VASH2: variants seen among roughly 807,000 people sequenced by gnomAD.
VASH2 encodes the protein tubulinyl-Tyr carboxypeptidase 2.
VASH2 carries 28 observed loss-of-function variants against 37.2 expected under a neutral mutation model. That is an observed-to-expected ratio of 0.75 (90% confidence interval 0.56 to 1.03). The LOEUF (loss-of-function observed/expected upper bound fraction) is 1.03, where lower values mean the gene tolerates loss of function less well. Ranked by LOEUF, VASH2 falls within the 50% of genes least tolerant of loss-of-function variation. The pLI is 0.00. For missense variants in VASH2, 419 were observed against 459.1 expected, an observed-to-expected ratio of 0.91 and a Z score of 0.80; for synonymous variants, 188 against 174.7, an observed-to-expected ratio of 1.08 and a Z score of -0.60.
intron 5 of VASH2, chr1:212,969,128 C>T (rs1250808830): frequency 1.1e-5 from 11 of 985,082 alleles, no homozygotes; most frequent in Non-Finnish European, 1.1e-5. Context: ...CTTCAGTTCA[C>T]GCTGCTGAAC....
At chr1:212,965,427 G>T (rs537809969) in intron 3 of VASH2, among the ~76,000 whole-genome samples, 1 of 152,286 alleles carries the variant, frequency 6.6e-6, no homozygotes, top group African/African-American at 2.4e-5. Context: ...CTCTCAAAGA[G>T]CTTGTAGTCT....
intron 7 of VASH2, among the ~76,000 whole-genome samples, chr1:212,977,606 G>A (rs577420682): frequency 6.6e-6 from 1 of 152,070 alleles, no homozygotes. Context: ...TACATGAGGA[G>A]GTAGAAGTTG....
rs930397646 is a variant in VASH2 at position 212,951,477 on chromosome 1, C to CCCG, written c.-52_-50dup. The stretch of plus-strand genomic sequence containing the variant: ...TCGCCGCGCCCGCGCGCACACGCCC[C>CCCG]CCGCCGCCGCCGCCGCTGCCGCCGC... On this transcript the variant is annotated 5_prime_UTR_variant, in exon 2 of 8. Transcript: ENST00000517399. The surrounding 1 kb of genome is among the most constrained non-coding windows in gnomAD (Gnocchi z 4.4). 2.8e-5 allele frequency: 30 copies of CCCG among 1,067,970 alleles called. No homozygotes were observed. The highest frequency in any genetic ancestry group is 2.4e-4 in the East Asian group (5 of 20,736). The allele number at this position is 1,067,970 out of a possible 1,614,324, so 66.2% of individuals were successfully genotyped here. A position where few individuals can be genotyped will look rare whatever the true frequency, so the allele number is the denominator to read the frequency against.
At chr1:212,987,053 G>A (rs1558154463) in intron 7 of VASH2, among the ~76,000 whole-genome samples, 1 of 150,230 alleles carries the variant, frequency 6.7e-6, no homozygotes, top group Non-Finnish European at 1.5e-5. Context: ...GAGAGAGAGA[G>A]AGAAAAGGGG....
chr1:212,975,997 C>T (rs1044446291), intron 7 of VASH2, among the ~76,000 whole-genome samples: 2 of 152,104 alleles, frequency 1.3e-5, no homozygotes, highest in Admixed American at 1.3e-4. Context: ...GAGTTTTTAA[C>T]CAGGAAACGT....
At chr1:212,955,674 ACTT>A (rs1216688844) in intron 2 of VASH2, among the ~76,000 whole-genome samples, 1 of 152,212 alleles carries the variant, frequency 6.6e-6, no homozygotes, top group African/African-American at 2.4e-5. Context: ...TGCAGACCTC[ACTT>A]CTTGTGCCTT....
intron 7 of VASH2, among the ~76,000 whole-genome samples, chr1:212,982,571 A>C (rs538643923): frequency 6.6e-6 from 1 of 152,190 alleles, no homozygotes; most frequent in African/African-American, 2.4e-5. Context: ...ACAATAGCTC[A>C]CCCAGCTCTG....
chr1:212,966,694 C>T (rs1666860144), intron 5 of VASH2, among the ~76,000 whole-genome samples: 1 of 152,162 alleles, frequency 6.6e-6, no homozygotes, highest in African/African-American at 2.4e-5. Context: ...TATGACATTG[C>T]AGCAGGAAAG....
chr1:212,955,600 G>A (rs1001413060), intron 2 of VASH2, among the ~76,000 whole-genome samples: 1 of 152,188 alleles, frequency 6.6e-6, no homozygotes, highest in Non-Finnish European at 1.5e-5. Flanking sequence ...TAACAGCTTG[G>A]AACTGGACTC....
In VASH2 at chr1:212,972,761, G is replaced by C. The variant is rs752585913; in HGVS notation, c.679G>C (p.Asp227His). Residue 227 changes from aspartate (D) to histidine (H), a missense_variant, in exon 6 of 8, where the codon GAC (aspartate) becomes CAC (histidine). By Grantham distance (81) the Asp-to-His change is moderately conservative (BLOSUM62 -1). Transcript: ENST00000517399. ...DKPLTFRTLS[D>H]LIFDFEDSYK... ...GCCATTGACTTTTCGGACTCTGAGT[G>C]ACCTCATCTTTGACTTTGAGGACTC... 6.2e-7 allele frequency: 1 copy of C among 1,614,178 alleles called. No individual in the cohort carries two copies. Among genetic ancestry groups the C allele is most frequent in the South Asian group, 1.1e-5 (1 of 91,066 alleles).
chr1:212,964,372 G>C (rs2102632434), intron 3 of VASH2, among the ~76,000 whole-genome samples: 1 of 152,330 alleles, frequency 6.6e-6, no homozygotes, highest in South Asian at 2.1e-4. Context: ...TCCCCACCTG[G>C]CCTGCAGCAG....
At position 212,987,817 on chromosome 1, in the gene VASH2, A is replaced by G. The variant is rs147070288; in HGVS notation, c.996-695A>G. Among the ~76,000 whole-genome samples the G allele has an allele frequency of 8.9e-4, 135 of 152,390 alleles. 1 individual carries two copies. In the Middle Eastern group the frequency reaches 0.017, roughly 19 times the overall value. On this transcript the variant is annotated intron_variant, in intron 7 of 7. Coordinates refer to ENST00000517399, the MANE Select transcript of VASH2 (RefSeq NM_001301056.2). The stretch of plus-strand genomic sequence containing the variant: ...CATAATCGTATATTGGAAGTCATTT[A>G]GGACGCATCTTTAATGAAGACAGAT...
At chr1:212,953,771 G>A (rs1666396633) in intron 2 of VASH2, among the ~76,000 whole-genome samples, 1 of 152,084 alleles carries the variant, frequency 6.6e-6, no homozygotes, top group African/African-American at 2.4e-5. Context: ...GAGTCTCCAG[G>A]TCACTAATGC....
At chr1:212,955,447 G>C (rs528229837) in intron 2 of VASH2, among the ~76,000 whole-genome samples, 8 of 152,296 alleles carry the variant, frequency 5.3e-5, no homozygotes, top group Admixed American at 3.9e-4. Flanking sequence ...TCAAAGGCAG[G>C]ATTTTTCAGA....
chr1:212,961,539 T>G (rs1400138938), intron 3 of VASH2, among the ~76,000 whole-genome samples: 1 of 152,168 alleles, frequency 6.6e-6, no homozygotes, highest in Non-Finnish European at 1.5e-5. Context: ...CTCTTCCTTC[T>G]ATCTTCTCCT....
chr1:212,972,290 G>GA (rs1197473483), intron 5 of VASH2, among the ~76,000 whole-genome samples: 1 of 152,080 alleles, frequency 6.6e-6, no homozygotes, highest in Admixed American at 6.5e-5. Flanking sequence ...AGGAGCAGAG[G>GA]AAAAAGTGCC....
chr1:212,967,112 A>G, intron 5 of VASH2: 12 of 1,304,556 alleles, frequency 9.2e-6, no homozygotes, highest in Non-Finnish European at 1.1e-5. Context: ...CTGACTTGAC[A>G]GAACCCACAG....
intron 3 of VASH2, among the ~76,000 whole-genome samples, chr1:212,963,717 G>A (rs1024753319): frequency 3.3e-5 from 5 of 151,968 alleles, no homozygotes; most frequent in African/African-American, 1.2e-4. Flanking sequence ...CCCACTTTCA[G>A]GGACTCAATG....
rs1157918149 is a variant in VASH2 at position 212,971,946 on chromosome 1, A to C, written c.498-634A>C. On this transcript the variant is annotated intron_variant, in intron 5 of 7. Coordinates refer to ENST00000517399, the MANE Select transcript of VASH2 (RefSeq NM_001301056.2). The surrounding 1 kb of genome is among the most constrained non-coding windows in gnomAD (Gnocchi z 4.0). ...GACACAACCCCCGCCCTCACAAGATACAAACAATTACAGTACAGGATGGGT... is the reference window on the plus strand; with the variant it reads ...GACACAACCCCCGCCCTCACAAGATCCAAACAATTACAGTACAGGATGGGT... 3.3e-5 allele frequency among the ~76,000 whole-genome samples: 5 copies of C among 152,232 alleles called. No individual in the cohort carries two copies. The East Asian group carries it at 9.6e-4, about 29-fold the overall frequency.
Sources: allele counts gnomAD v4.1 joint callset (sites outside exome capture counted in the v4.1 genomes callset), GRCh38; gene constraint gnomAD v4.1.1; non-coding constraint Gnocchi (gnomAD v3.1); transcripts MANE v1.5; gene names NCBI Gene and HGNC (gene_info 2026-07-23, HGNC 2026-07-21).